Variants in ASTN1 observed in about 807,000 individuals in gnomAD.
The protein encoded by ASTN1 is astrotactin-1.
A neutral mutation model predicts 140.7 loss-of-function variants in ASTN1; 41 were observed. That is an observed-to-expected ratio of 0.29 (90% CI 0.23 to 0.38). The LOEUF is 0.38. Ranked by LOEUF, ASTN1 falls within the 10% of genes least tolerant of loss-of-function variation. The pLI is 1.00. For missense variants in ASTN1, 1,479 were observed against 1,678.8 expected (o/e 0.88, Z 2.08); for synonymous variants, 640 against 652.2 (o/e 0.98, Z 0.29).
At chr1:176,972,885 G>A (rs1429223657) in intron 8 of ASTN1, among the ~76,000 whole-genome samples, 1 of 152,090 alleles carries the variant, frequency 6.6e-6, no homozygotes, top group Admixed American at 6.6e-5. Flanking sequence ...CTATCTCTGT[G>A]ACCTTGGATA....
In ASTN1 at chr1:177,032,666, T is replaced by G. The variant is rs765082906; in HGVS notation, c.655A>C (p.Asn219His). The G allele has an allele frequency of 6.2e-7, 1 of 1,614,136 alleles. No homozygotes were observed. Among genetic ancestry groups the G allele is most frequent in the Admixed American group, 1.7e-5 (1 of 60,018 alleles). ...GAGTTGTGGCCCTGCACGCGGGCAT[T>G]GCGCAGGCTCTCCCGTCCGTGCCCG... Reference protein sequence around the residue: ...IGGHGRESLRNARVQGHNSSG... With the variant: ...IGGHGRESLRHARVQGHNSSG... Residue 219 changes from asparagine (N) to histidine (H), a missense_variant, in exon 3 of 23, where the codon AAT becomes CAT. This residue lies in a region of ASTN1 where 729 missense variants were observed against 860.4 expected (regional missense o/e 0.85). Transcript: ENST00000361833.
intron 1 of ASTN1, among the ~76,000 whole-genome samples, chr1:177,129,039 G>A (rs1681811814): frequency 6.6e-6 from 1 of 152,162 alleles, no homozygotes; most frequent in African/African-American, 2.4e-5. Context: ...AAGAAGACCA[G>A]GTCAGTATTC....
chr1:176,859,814 T>G (rs1335830387), downstream of ASTN1, among the ~76,000 whole-genome samples: 1 of 152,178 alleles, frequency 6.6e-6, no homozygotes, highest in Non-Finnish European at 1.5e-5. Flanking sequence ...AAATCCTTAG[T>G]GGCTTAAGGC....
At chr1:177,041,365 A>G (rs1676963833) in intron 2 of ASTN1, among the ~76,000 whole-genome samples, 1 of 152,212 alleles carries the variant, frequency 6.6e-6, no homozygotes, top group South Asian at 2.1e-4. Context: ...GTGTGCATGC[A>G]CACGCACAAA....
chr1:176,873,434 G>A (rs890625357), intron 21 of ASTN1, among the ~76,000 whole-genome samples: 1 of 152,222 alleles, frequency 6.6e-6, no homozygotes, highest in Non-Finnish European at 1.5e-5. Flanking sequence ...ATTCCTCAGA[G>A]AAAGTATCTA....
intron 2 of ASTN1, among the ~76,000 whole-genome samples, chr1:177,038,145 T>A (rs1279020427): frequency 6.6e-6 from 1 of 152,202 alleles, no homozygotes. Context: ...TGTATATTCA[T>A]CCTGGGTCCT....
intron 8 of ASTN1, among the ~76,000 whole-genome samples, chr1:177,011,562 TAC>T (rs140111635): frequency 5.4e-4 from 79 of 147,322 alleles, no homozygotes; most frequent in Middle Eastern, 3.5e-3. Flanking sequence ...GTCATGCACA[TAC>T]ACACACACAC....
Position 177,007,889 on chromosome 1 carries a change from C to G in ASTN1, c.1523+6902G>C, listed in dbSNP as rs555596731. Among the ~76,000 whole-genome samples, 4 of 152,342 alleles carry G rather than the reference C, an allele frequency of 2.6e-5. No homozygotes were observed. The South Asian group carries it at 8.3e-4, about 32-fold the overall frequency. On this transcript the variant is annotated intron_variant, in intron 8 of 22. Coordinates refer to ENST00000361833, the MANE Select transcript of ASTN1 (RefSeq NM_004319.3). ...GCCCCTTCTCTCAGAGTTGGCTTGT[C>G]TTAGCAAGCATGGGTTGGGTTTTAG...
intron 21 of ASTN1, among the ~76,000 whole-genome samples, chr1:176,875,951 A>C (rs543370921): frequency 6.6e-6 from 1 of 152,310 alleles, no homozygotes; most frequent in East Asian, 1.9e-4. Context: ...AGCTTTGTGC[A>C]ATGGATGTTG....
At chr1:177,067,433 C>T (rs1678418769) in intron 1 of ASTN1, among the ~76,000 whole-genome samples, 1 of 152,126 alleles carries the variant, frequency 6.6e-6, no homozygotes, top group Non-Finnish European at 1.5e-5. Context: ...TACTTACTAT[C>T]ATTAAGGTAA....
At chr1:177,129,769 C>T (rs1458752353) in intron 1 of ASTN1, among the ~76,000 whole-genome samples, 1 of 152,062 alleles carries the variant, frequency 6.6e-6, no homozygotes, top group East Asian at 1.9e-4. Flanking sequence ...AAGATCGAGA[C>T]CATCCTGGCT....
chr1:176,887,138 G>C (rs1426050625), intron 18 of ASTN1, among the ~76,000 whole-genome samples: 2 of 152,032 alleles, frequency 1.3e-5, no homozygotes, highest in Non-Finnish European at 2.9e-5. Context: ...CTTGATTATT[G>C]TTCTGGAGCA....
intron 1 of ASTN1, among the ~76,000 whole-genome samples, chr1:177,149,395 A>AC (rs1426171217): frequency 1.3e-5 from 1 of 76,896 alleles, no homozygotes; most frequent in Non-Finnish European, 2.0e-5. Flanking sequence ...TATATATAGT[A>AC]TATATATAGT....
chr1:177,135,998 A>G (rs73048955), intron 1 of ASTN1, among the ~76,000 whole-genome samples: 3,362 of 152,332 alleles, frequency 0.022, 126 homozygotes, highest in African/African-American at 0.077. Context: ...TATAAAATGA[A>G]GCAAAACAAA....
At chr1:177,071,983 T>A (rs1678667060) in intron 1 of ASTN1, among the ~76,000 whole-genome samples, 1 of 152,196 alleles carries the variant, frequency 6.6e-6, no homozygotes, top group Non-Finnish European at 1.5e-5. Flanking sequence ...ATTCATCATT[T>A]CTGTGTGGTA....
intron 1 of ASTN1, among the ~76,000 whole-genome samples, chr1:177,164,044 T>C (rs1482196132): frequency 6.6e-6 from 1 of 151,932 alleles, no homozygotes; most frequent in Non-Finnish European, 1.5e-5. Flanking sequence ...GAAGGGATTA[T>C]GGGAGTTGAA....
chr1:176,876,404 G>A (rs1668564061), intron 21 of ASTN1, 133 bp downstream of exon 21: 2 of 891,038 alleles, frequency 2.2e-6, no homozygotes, highest in Admixed American at 2.2e-5. Flanking sequence ...CTCCTGTACT[G>A]GGCCTTGAAT....
At chr1:176,878,700 C>A (rs914635990) in intron 20 of ASTN1, among the ~76,000 whole-genome samples, 2 of 152,096 alleles carry the variant, frequency 1.3e-5, no homozygotes, top group East Asian at 3.9e-4. Context: ...CCTCTGCCCA[C>A]CTGCTCTAGA....
At chr1:177,040,732 G>A (rs1676931147) in intron 2 of ASTN1, among the ~76,000 whole-genome samples, 1 of 152,174 alleles carries the variant, frequency 6.6e-6, no homozygotes, top group African/African-American at 2.4e-5. Context: ...AGCTCTAAAA[G>A]TTTTAAGACC....
Sources: allele counts gnomAD v4.1 joint callset (sites outside exome capture counted in the v4.1 genomes callset), GRCh38; gene constraint gnomAD v4.1.1; regional missense constraint gnomAD v4.1.1; transcripts MANE v1.5; gene names NCBI Gene and HGNC (gene_info 2026-07-23, HGNC 2026-07-21).